DMD: variants seen among roughly 807,000 people sequenced by gnomAD.
DMD encodes the protein dystrophin.
DMD carries 63 observed loss-of-function variants against 330.1 expected under a neutral mutation model. The observed-to-expected ratio is 0.19, with a 90% CI of 0.16 to 0.24. The LOEUF (loss-of-function observed/expected upper bound fraction) is 0.24, where lower values mean the gene tolerates loss of function less well. Ranked by LOEUF, DMD falls within the 10% of genes least tolerant of loss-of-function variation. DMD has a pLI of 1.00. For synonymous variants in DMD, 1,223 were observed against 959.8 expected (o/e 1.27, Z -5.07); for missense variants, 3,344 against 2,684.1 (o/e 1.25, Z -5.43).
chrX:32,409,216 C>T (rs1419000203), intron 30 of DMD, among the ~76,000 whole-genome samples: 1 of 111,347 alleles, frequency 9.0e-6, no homozygotes, highest in Non-Finnish European at 1.9e-5. Flanking sequence ...CTTGTATTCT[C>T]CAATATTATG....
chrX:33,003,793 C>G (rs1341211589), intron 2 of DMD, among the ~76,000 whole-genome samples: 1 of 112,171 alleles, frequency 8.9e-6, no homozygotes, highest in Non-Finnish European at 1.9e-5. Flanking sequence ...ATTTTAAATG[C>G]TTCTTCCAGA....
intron 67 of DMD, among the ~76,000 whole-genome samples, chrX:31,199,972 G>C (rs2043275896): frequency 8.9e-6 from 1 of 111,777 alleles, no homozygotes; most frequent in African/African-American, 3.3e-5. Context: ...ACAATGAAAG[G>C]CAAGGTGACC....
intron 49 of DMD, among the ~76,000 whole-genome samples, chrX:31,829,869 T>C (rs934922071): frequency 2.7e-5 from 3 of 112,336 alleles, no homozygotes; most frequent in African/African-American, 6.5e-5. Flanking sequence ...GTCTCTCTCT[T>C]TAAGTGTAAC....
At chrX:31,782,496 C>T (rs1035554314) in intron 50 of DMD, among the ~76,000 whole-genome samples, 11 of 110,386 alleles carry the variant, frequency 1.0e-4, no homozygotes, top group African/African-American at 3.6e-4. Flanking sequence ...TGGTCATCAA[C>T]TACCAGCTGA....
intron 44 of DMD, among the ~76,000 whole-genome samples, chrX:31,976,422 C>A (rs1277186560): frequency 9.0e-6 from 1 of 110,923 alleles, no homozygotes; most frequent in Non-Finnish European, 1.9e-5. Flanking sequence ...TGAAACGATT[C>A]TGGGCAAACT....
intron 48 of DMD, among the ~76,000 whole-genome samples, chrX:31,873,392 C>T (rs1338776727): frequency 8.9e-6 from 1 of 111,835 alleles, no homozygotes; most frequent in African/African-American, 3.3e-5. Context: ...CTCCTTGTTA[C>T]TCATGCCCAT....
chrX:32,162,590 C>CTTTTT (rs3040088), intron 44 of DMD, among the ~76,000 whole-genome samples: 3 of 43,252 alleles, frequency 6.9e-5, no homozygotes, highest in Non-Finnish European at 1.2e-4. Context: ...AAGCAACAAG[C>CTTTTT]TTTTTTTTTT....
intron 43 of DMD, among the ~76,000 whole-genome samples, chrX:32,250,169 ATATTACTGATTGCG>A (rs1335266347): frequency 9.0e-6 from 1 of 111,280 alleles, no homozygotes; most frequent in Non-Finnish European, 1.9e-5. Flanking sequence ...CTTCACATGT[ATATTACTGATTGCG>A]GAGTGTTTTT....
rs1470547022 is a variant in DMD, at chrX:32,369,899, A to G, written c.4846-4700T>C. ...TTTACTAGGACTCAATTAAATTCAG[A>G]CTTATTTTAGCTATTCCTTTCTCTT... On this transcript the variant is annotated intron_variant, in intron 34 of 78. Transcript: ENST00000357033. Among the ~76,000 whole-genome samples the G allele has an allele frequency of 2.7e-5, 3 of 111,032 alleles. No individual in the cohort carries two copies. The Admixed American group carries it at 2.9e-4, about 11-fold the overall frequency.
chrX:31,295,834 A>G (rs779212312), intron 62 of DMD, among the ~76,000 whole-genome samples: 14 of 112,577 alleles, frequency 1.2e-4, no homozygotes, highest in African/African-American at 2.3e-4. Flanking sequence ...GCAGCTCTCA[A>G]TTGTGAATGT....
chrX:33,213,795 C>T (rs1448562381), upstream of DMD, among the ~76,000 whole-genome samples: 2 of 111,266 alleles, frequency 1.8e-5, no homozygotes, highest in South Asian at 7.6e-4. Flanking sequence ...GTATCAAAAC[C>T]AGGAAACTGA....
intron 60 of DMD, among the ~76,000 whole-genome samples, chrX:31,365,296 G>A (rs1195253044): frequency 9.1e-6 from 1 of 110,356 alleles, no homozygotes; most frequent in Non-Finnish European, 1.9e-5. Context: ...AACCTCTCAG[G>A]GTCAATAATA....
intron 1 of DMD, among the ~76,000 whole-genome samples, chrX:33,045,407 T>C (rs1326591044): frequency 9.1e-6 from 1 of 109,911 alleles, no homozygotes; most frequent in Non-Finnish European, 1.9e-5. Context: ...AGTTAGGCAC[T>C]GTTTCCTCAC....
At chrX:32,719,759 A>C (rs770244719) in intron 7 of DMD, among the ~76,000 whole-genome samples, 9 of 110,391 alleles carry the variant, frequency 8.2e-5, no homozygotes, top group Admixed American at 1.9e-4. Flanking sequence ...ATAAATGTAC[A>C]TTTACTGTTA....
chrX:32,034,491 G>A (rs1352446185), intron 44 of DMD, among the ~76,000 whole-genome samples: 2 of 111,179 alleles, frequency 1.8e-5, no homozygotes, highest in East Asian at 5.7e-4. Context: ...TGATATTTTA[G>A]CTAAAATGTA....
intron 44 of DMD, among the ~76,000 whole-genome samples, chrX:32,083,724 C>A (rs1362593233): frequency 8.9e-6 from 1 of 112,588 alleles, no homozygotes; most frequent in Non-Finnish European, 1.9e-5. Context: ...ACCTTGAAAA[C>A]AGCACAAATC....
At chrX:31,259,597 G>A (rs369148837) in intron 63 of DMD, among the ~76,000 whole-genome samples, 4 of 111,537 alleles carry the variant, frequency 3.6e-5, no homozygotes, top group African/African-American at 1.3e-4. Context: ...AATATTACTC[G>A]AAATGTATTG....
intron 47 of DMD, 22 bp downstream of exon 47, chrX:31,929,574 G>C: frequency 8.3e-7 from 1 of 1,208,093 alleles, no homozygotes; most frequent in Admixed American, 2.2e-5. Context: ...ACATGTGACG[G>C]AAGAGATGGT....
intron 60 of DMD, among the ~76,000 whole-genome samples, chrX:31,356,173 C>G (rs1327426101): frequency 4.5e-5 from 5 of 111,923 alleles, no homozygotes; most frequent in African/African-American, 6.5e-5. Context: ...TAACATGGCA[C>G]TCACTCTGAG....
Sources: gnomAD v4.1 joint callset for allele counts (sites outside exome capture counted in the v4.1 genomes callset) on GRCh38, gnomAD v4.1.1 for gene constraint, MANE v1.5 for transcripts, NCBI Gene and HGNC (gene_info 2026-07-23, HGNC 2026-07-21) for gene names.